LYPD6: variants seen among roughly 807,000 people sequenced by gnomAD.
LYPD6 encodes the protein ly6/PLAUR domain-containing protein 6.
Under a neutral mutation model 22.7 loss-of-function variants are expected in LYPD6, and 15 were observed. The observed-to-expected ratio is 0.66, with a 90% CI of 0.44 to 1.02. LYPD6 has a LOEUF of 1.02. LYPD6 is among the 50% of genes least tolerant of loss of function. The pLI is 0.00. For missense variants in LYPD6, 189 were observed against 208.4 expected (o/e 0.91, Z 0.57); for synonymous variants, 72 against 77.5 (o/e 0.93, Z 0.37).
At position 149,466,599 on chromosome 2, in the gene LYPD6, G is replaced by A. The variant is rs556869824; in HGVS notation, c.218-2046G>A. Among the ~76,000 whole-genome samples the A allele has an allele frequency of 7.2e-5, 11 of 152,198 alleles. No homozygotes were observed. The South Asian group carries it at 2.3e-3, about 32-fold the overall frequency. On this transcript the variant is annotated intron_variant, in intron 3 of 4. Transcript: ENST00000334166. ...CGTCTACTGTCATTCAATGGAATACGCTCTCCATTATGTATAAGATATTTT... is the reference window on the plus strand; with the variant it reads ...CGTCTACTGTCATTCAATGGAATACACTCTCCATTATGTATAAGATATTTT...
intron 1 of LYPD6, among the ~76,000 whole-genome samples, chr2:149,376,790 G>A (rs1681932155): frequency 6.6e-6 from 1 of 152,176 alleles, no homozygotes; most frequent in Admixed American, 6.5e-5. Context: ...GAAATCCTCA[G>A]AACTGCTGGT....
chr2:149,430,160 C>T (rs1159351109), intron 1 of LYPD6, among the ~76,000 whole-genome samples: 2 of 152,140 alleles, frequency 1.3e-5, no homozygotes, highest in African/African-American at 2.4e-5. Flanking sequence ...AGTGCGTTGG[C>T]GTGATCTCGG....
chr2:149,442,529 A>G (rs1382999131), intron 2 of LYPD6, among the ~76,000 whole-genome samples: 1 of 152,160 alleles, frequency 6.6e-6, no homozygotes, highest in Non-Finnish European at 1.5e-5. Flanking sequence ...TCAAGAGCCA[A>G]ATTAGATTCA....
At chr2:149,358,836 T>A (rs1681516595) in intron 1 of LYPD6, among the ~76,000 whole-genome samples, 1 of 152,108 alleles carries the variant, frequency 6.6e-6, no homozygotes, top group Admixed American at 6.6e-5. Context: ...AGGGGCACAT[T>A]AATAATTTTA....
chr2:149,411,519 T>G (rs1436014835), intron 1 of LYPD6, among the ~76,000 whole-genome samples: 1 of 152,230 alleles, frequency 6.6e-6, no homozygotes, highest in Non-Finnish European at 1.5e-5. Context: ...AGCCTTTCTA[T>G]GAATCTTTTA....
At chr2:149,477,878 G>A (rs183850880), downstream of LYPD6, among the ~76,000 whole-genome samples, 20 of 152,240 alleles carry the variant, frequency 1.3e-4, no homozygotes, top group African/African-American at 4.3e-4. Context: ...GCATCAAAAG[G>A]TCACGGATGT....
At position 149,432,819 on chromosome 2, in the gene LYPD6, T is replaced by C. The variant is rs1683347147; in HGVS notation, c.-71-4819T>C. ...TGAGAAGAGAGAACATTCTGTTTCA[T>C]ATTGAATCTATTATTTTAGAAGACA... is the stretch of plus-strand genomic sequence containing the variant. On this transcript the variant is annotated intron_variant, in intron 1 of 4. Transcript: ENST00000334166. Among the ~76,000 whole-genome samples, 3 of 152,322 alleles carry C rather than the reference T, an allele frequency of 2.0e-5. No homozygotes were observed. The South Asian group carries it at 6.2e-4, about 32-fold the overall frequency.
intron 1 of LYPD6, among the ~76,000 whole-genome samples, chr2:149,349,046 G>T (rs1025466980): frequency 3.9e-5 from 6 of 152,160 alleles, no homozygotes; most frequent in Non-Finnish European, 7.3e-5. Context: ...GAGATACAAA[G>T]ACTGAAGAGT....
intron 2 of LYPD6, among the ~76,000 whole-genome samples, chr2:149,447,990 C>T (rs1015367670): frequency 1.3e-5 from 2 of 152,096 alleles, no homozygotes; most frequent in Non-Finnish European, 2.9e-5. Context: ...CCAGTGGTGA[C>T]ATTTTGAAAA....
At chr2:149,344,315 C>T (rs1681215042) in intron 1 of LYPD6, among the ~76,000 whole-genome samples, 2 of 152,174 alleles carry the variant, frequency 1.3e-5, no homozygotes, top group Admixed American at 1.3e-4. Flanking sequence ...GCAAGCTATG[C>T]ACTTTTCCCT....
At chr2:149,464,589 G>A (rs1240801517) in intron 3 of LYPD6, 1 of 152,860 alleles carries the variant, frequency 6.5e-6, no homozygotes, top group African/African-American at 2.4e-5. Flanking sequence ...ACAGCTTCGG[G>A]AGCAGAGAGA....
At chr2:149,407,261 T>A (rs1682736813) in intron 1 of LYPD6, among the ~76,000 whole-genome samples, 1 of 152,206 alleles carries the variant, frequency 6.6e-6, no homozygotes, top group Non-Finnish European at 1.5e-5. Context: ...CTGTATTTCC[T>A]GAATCTGAAT....
At chr2:149,393,145 G>A (rs188767837) in intron 1 of LYPD6, among the ~76,000 whole-genome samples, 10 of 152,302 alleles carry the variant, frequency 6.6e-5, no homozygotes, top group Admixed American at 3.9e-4. Flanking sequence ...CCTTGCTTCC[G>A]AAGTTACAAT....
chr2:149,479,379 A>C, the LYPD6 span, among the ~76,000 whole-genome samples: 1 of 152,130 alleles, frequency 6.6e-6, no homozygotes, highest in African/African-American at 2.4e-5. Context: ...AGTGGCTGAC[A>C]AATAATCTCT....
At chr2:149,456,237 T>G (rs1362846791) in intron 3 of LYPD6, among the ~76,000 whole-genome samples, 1 of 152,230 alleles carries the variant, frequency 6.6e-6, no homozygotes, top group African/African-American at 2.4e-5. Flanking sequence ...TCTATTTTCT[T>G]TCATCTTGGG....
chr2:149,439,721 T>C (rs929663721), intron 2 of LYPD6, among the ~76,000 whole-genome samples: 3 of 152,226 alleles, frequency 2.0e-5, no homozygotes, highest in Admixed American at 6.5e-5. Flanking sequence ...TCTTGAAGGC[T>C]GAGCCTTGCA....
chr2:149,358,559 G>T (rs566561275), intron 1 of LYPD6, among the ~76,000 whole-genome samples: 2 of 152,230 alleles, frequency 1.3e-5, no homozygotes, highest in Non-Finnish European at 2.9e-5. Flanking sequence ...GGGGGAAGTT[G>T]TTTGTTTAAA....
At chr2:149,368,115 T>A (rs965833438) in intron 1 of LYPD6, 1 of 152,242 alleles carries the variant, frequency 6.6e-6, no homozygotes, top group African/African-American at 2.4e-5. Context: ...CAAAAGCTAC[T>A]GTGTGAGCAC....
At chr2:149,432,366 T>G (rs1683332957) in intron 1 of LYPD6, among the ~76,000 whole-genome samples, 1 of 152,208 alleles carries the variant, frequency 6.6e-6, no homozygotes, top group Non-Finnish European at 1.5e-5. Context: ...CATCTGATAA[T>G]GGATAAACAT....
Sources: gnomAD v4.1 joint callset for allele counts (sites outside exome capture counted in the v4.1 genomes callset) on GRCh38, gnomAD v4.1.1 for gene constraint, MANE v1.5 for transcripts, NCBI Gene and HGNC (gene_info 2026-07-23, HGNC 2026-07-21) for gene names.